RBFOX1: variants seen among roughly 807,000 people sequenced by gnomAD.
RBFOX1 encodes RNA binding fox-1 homolog 1, also known as RNA binding protein fox-1 homolog 1.
In RBFOX1, 8 loss-of-function variants were observed where a neutral mutation model predicts 57.7. The ratio of observed to expected loss-of-function variants is 0.14; its 90% CI spans 0.08 to 0.25. The LOEUF is 0.25. RBFOX1 is among the 10% of genes least tolerant of loss of function. The pLI, the probability that RBFOX1 is intolerant of heterozygous loss-of-function variation, is 1.00. For missense variants in RBFOX1, 611 were observed against 548.5 expected (o/e 1.11, Z -1.14); for synonymous variants, 326 against 222.4 (o/e 1.47, Z -4.15).
At chr16:6,904,143 T>G (rs1260057401) in intron 3 of RBFOX1, among the ~76,000 whole-genome samples, 7 of 152,180 alleles carry the variant, frequency 4.6e-5, no homozygotes, top group Non-Finnish European at 1.0e-4. Flanking sequence ...TCAGATCATT[T>G]TTAAAGGAGA....
At chr16:6,668,375 G>T (rs1447318607) in intron 3 of RBFOX1, among the ~76,000 whole-genome samples, 2 of 152,218 alleles carry the variant, frequency 1.3e-5, no homozygotes, top group Non-Finnish European at 2.9e-5. Flanking sequence ...TTCTGTCACA[G>T]AATCTGGCAT....
intron 3 of RBFOX1, among the ~76,000 whole-genome samples, chr16:6,746,940 C>T (rs938937209): frequency 6.6e-6 from 1 of 152,074 alleles, no homozygotes; most frequent in Non-Finnish European, 1.5e-5. Context: ...GCAGGTGTCT[C>T]ACTTGGGCTC....
At chr16:5,588,941 G>C (rs1172998315) in intron 2 of RBFOX1, among the ~76,000 whole-genome samples, 1 of 152,166 alleles carries the variant, frequency 6.6e-6, no homozygotes, top group East Asian at 1.9e-4. Flanking sequence ...GGCTTTTGCA[G>C]AAACAAAGAG....
At chr16:5,471,321 C>G (rs75175813) in intron 2 of RBFOX1, among the ~76,000 whole-genome samples, 177 of 152,304 alleles carry the variant, frequency 1.2e-3, no homozygotes, top group African/African-American at 4.2e-3. Context: ...AACAGGTGAT[C>G]TAGTCTCTAC....
intron 3 of RBFOX1, among the ~76,000 whole-genome samples, chr16:6,989,876 G>A (rs1055388146): frequency 5.9e-5 from 9 of 151,926 alleles, no homozygotes; most frequent in African/African-American, 1.5e-4. Flanking sequence ...GATGGGCACC[G>A]TATAATCCCA....
chr16:6,286,063 C>G (rs1438754102), intron 1 of RBFOX1, among the ~76,000 whole-genome samples: 1 of 152,092 alleles, frequency 6.6e-6, no homozygotes, highest in African/African-American at 2.4e-5. Context: ...CATTTTGGCA[C>G]TGATAATAAA....
intron 3 of RBFOX1, among the ~76,000 whole-genome samples, chr16:5,775,315 C>A (rs964467339): frequency 1.3e-5 from 2 of 152,164 alleles, no homozygotes; most frequent in Non-Finnish European, 2.9e-5. Flanking sequence ...TCCCTCTTCC[C>A]TCTTCCCTTC....
At chr16:5,547,812 A>G (rs549870183) in intron 2 of RBFOX1, among the ~76,000 whole-genome samples, 28 of 152,222 alleles carry the variant, frequency 1.8e-4, no homozygotes, top group Admixed American at 3.9e-4. Flanking sequence ...ACCAAATACT[A>G]CATGTGCTCA....
intron 3 of RBFOX1, among the ~76,000 whole-genome samples, chr16:5,718,238 A>T (rs1459508276): frequency 6.6e-6 from 1 of 152,260 alleles, no homozygotes; most frequent in Non-Finnish European, 1.5e-5. Context: ...GAACAAATCA[A>T]GTACATTTAT....
intron 4 of RBFOX1, among the ~76,000 whole-genome samples, chr16:7,387,270 A>G (rs2097900417): frequency 6.6e-6 from 1 of 152,210 alleles, no homozygotes; most frequent in Non-Finnish European, 1.5e-5. Flanking sequence ...TAGGATTAGT[A>G]ATAAATTCTA....
Position 6,859,121 on chromosome 16 carries a change from A to ATG in RBFOX1, c.-15-192935_-15-192934insGT, listed in dbSNP as rs2058448026. Among the ~76,000 whole-genome samples the ATG allele has an allele frequency of 7.7e-5, 5 of 64,572 alleles. 1 individual carries two copies. The highest frequency in any genetic ancestry group is 4.7e-4 in the African/African-American group (5 of 10,652). The allele number at this position is 64,572 out of a possible 152,430, so 42.4% of individuals were successfully genotyped here. A position where few individuals can be genotyped will look rare whatever the true frequency, so the allele number is the denominator to read the frequency against. Reference sequence around the variant, plus strand: ...TGTCCTAAAAAAAGTGTATATATATATATATATACATATATATACGTATAT... The same window carrying ATG: ...TGTCCTAAAAAAAGTGTATATATATATGTATATATACATATATATACGTATAT... On this transcript the variant is annotated intron_variant, in intron 3 of 15. Coordinates refer to ENST00000550418, the MANE Select transcript of RBFOX1 (RefSeq NM_018723.4).
chr16:6,031,361 A>G (rs1217409393), intron 1 of RBFOX1, among the ~76,000 whole-genome samples: 2 of 152,242 alleles, frequency 1.3e-5, no homozygotes, highest in African/African-American at 4.8e-5. Context: ...CAAAGCCTGC[A>G]GAGGCCAGAA....
At chr16:7,036,018 AAAT>A (rs1330054955) in intron 3 of RBFOX1, among the ~76,000 whole-genome samples, 1 of 152,188 alleles carries the variant, frequency 6.6e-6, no homozygotes, top group Non-Finnish European at 1.5e-5. Context: ...CCCATTTCTT[AAAT>A]AATGACATTT....
chr16:5,413,672 G>C (rs1168846989), intron 1 of RBFOX1, among the ~76,000 whole-genome samples: 1 of 152,162 alleles, frequency 6.6e-6, no homozygotes, highest in African/African-American at 2.4e-5. Context: ...GTCAGGCATT[G>C]TTATTCTGGG....
At chr16:5,427,300 C>T (rs112531919) in intron 1 of RBFOX1, among the ~76,000 whole-genome samples, 8 of 152,280 alleles carry the variant, frequency 5.3e-5, no homozygotes, top group South Asian at 4.1e-4. Context: ...AAACCTGCAA[C>T]GTGGCTGGGC....
chr16:6,970,147 C>T (rs2085205977), intron 3 of RBFOX1, among the ~76,000 whole-genome samples: 1 of 151,642 alleles, frequency 6.6e-6, no homozygotes, highest in South Asian at 2.1e-4. Flanking sequence ...CACTGCATTC[C>T]AGCCTGGGCA....
intron 2 of RBFOX1, among the ~76,000 whole-genome samples, chr16:6,385,856 G>A (rs894266565): frequency 6.6e-6 from 1 of 152,176 alleles, no homozygotes; most frequent in African/African-American, 2.4e-5. Flanking sequence ...GGGGAAGAGT[G>A]TGCCAATGAG....
At chr16:6,242,639 C>A (rs1219624515) in intron 1 of RBFOX1, among the ~76,000 whole-genome samples, 1 of 113,674 alleles carries the variant, frequency 8.8e-6, no homozygotes, top group East Asian at 3.0e-4. Context: ...AACACACACA[C>A]ACACACACAC....
At chr16:5,709,537 G>C (rs2051373892) in intron 3 of RBFOX1, among the ~76,000 whole-genome samples, 1 of 151,724 alleles carries the variant, frequency 6.6e-6, no homozygotes, top group Non-Finnish European at 1.5e-5. Flanking sequence ...GCCTGTATGT[G>C]TCGATTATGA....
Sources: allele counts gnomAD v4.1 joint callset (sites outside exome capture counted in the v4.1 genomes callset), GRCh38; gene constraint gnomAD v4.1.1; transcripts MANE v1.5; gene names NCBI Gene and HGNC (gene_info 2026-07-23, HGNC 2026-07-21).